The following USP35 variants were observed in gnomAD, a reference collection of about 807,000 sequenced individuals.
USP35 encodes ubiquitin carboxyl-terminal hydrolase 35.
Under a neutral mutation model 83.8 loss-of-function variants are expected in USP35, and 69 were observed. The ratio of observed to expected loss-of-function variants is 0.82; its 90% CI spans 0.68 to 1.01. USP35 has a LOEUF of 1.01. Among genes scored for constraint, USP35 ranks in the 50% least tolerant of loss-of-function variants. USP35 has a pLI of 0.00. For missense variants in USP35, 1,503 were observed against 1,362.5 expected (o/e 1.10, Z -1.62); for synonymous variants, 714 against 589.5 (o/e 1.21, Z -3.06).
At chr11:78,225,345 G>C in the USP35 span, 3 of 604,682 alleles carry the variant, frequency 5.0e-6, no homozygotes, top group South Asian at 5.8e-5. Context: ...GAATTTCTTC[G>C]AACACATCAC....
chr11:78,201,741 A>G (rs185395599), intron 6 of USP35, among the ~76,000 whole-genome samples: 27 of 152,300 alleles, frequency 1.8e-4, no homozygotes, highest in African/African-American at 6.3e-4. Context: ...GTTCATTTCA[A>G]TCTCATAGAT....
Position 78,196,866 on chromosome 11 carries a change from C to A in USP35, c.621C>A (p.Pro207=). The A allele has an allele frequency of 2.7e-6, 4 of 1,485,306 alleles. No individual in the cohort carries two copies. In the South Asian group the frequency reaches 5.1e-5, roughly 19 times the overall value. 92.0% of individuals were successfully genotyped at this position (1,485,306 alleles called of 1,614,324 possible). The part of the protein sequence containing the change: ...GLLAQLWRAQ[P]AAILPCLKEL... ...TGGCGCAGCTGTGGCGCGCACAGCCCGCCGCCATCCTGCCCTGCCTCAAAG... is the reference window on the plus strand; with the variant it reads ...TGGCGCAGCTGTGGCGCGCACAGCCAGCCGCCATCCTGCCCTGCCTCAAAG... The change falls in exon 2 of 11, where the codon CCC becomes CCA. Residue 207 remains proline, a synonymous_variant. Transcript: ENST00000529308. This position sits in a 1 kb window ranked among gnomAD's most constrained non-coding sequence, Gnocchi z 4.8.
intron 10 of USP35, among the ~76,000 whole-genome samples, chr11:78,213,184 G>A (rs1863866591): frequency 6.6e-6 from 1 of 152,190 alleles, no homozygotes; most frequent in Non-Finnish European, 1.5e-5. Flanking sequence ...CTGAGGCTGA[G>A]TCAGGCTCTC....
At chr11:78,231,858 T>C in the USP35 span, 1 of 152,268 alleles carries the variant, frequency 6.6e-6, no homozygotes, top group African/African-American at 2.4e-5. Context: ...TAATATAAAA[T>C]GCTTGTAAGT....
At chr11:78,219,566 T>C (rs762175427), downstream of USP35, 46 of 694,654 alleles carry the variant, frequency 6.6e-5, no homozygotes, top group Non-Finnish European at 7.7e-5. Flanking sequence ...GCCTGGCTTC[T>C]CTTTCTGAAT....
chr11:78,235,128 G>A, the USP35 span, among the ~76,000 whole-genome samples: 3 of 151,956 alleles, frequency 2.0e-5, no homozygotes, highest in Non-Finnish European at 4.4e-5. Context: ...TTCTACAGCC[G>A]GTTTGATTTT....
the USP35 span, chr11:78,221,646 G>A: frequency 9.9e-6 from 14 of 1,408,320 alleles, no homozygotes; most frequent in Admixed American, 8.7e-5. Flanking sequence ...GACTTGAAAG[G>A]CGTCATTCCA....
chr11:78,192,166 A>G (rs931011515), intron 1 of USP35, among the ~76,000 whole-genome samples: 2 of 152,228 alleles, frequency 1.3e-5, no homozygotes, highest in African/African-American at 4.8e-5. Context: ...ACCCAAGGTC[A>G]CCATGACTTT....
At position 78,199,524 on chromosome 11, in the gene USP35, C is replaced by A. The variant is rs1863269460; in HGVS notation, c.807-71C>A. 3.1e-6 allele frequency: 5 copies of A among 1,602,450 alleles called. No individual in the cohort carries two copies. The East Asian group carries it at 1.1e-4, about 36-fold the overall frequency. On this transcript the variant is annotated intron_variant, in intron 3 of 10. Coordinates refer to ENST00000529308, the MANE Select transcript of USP35 (RefSeq NM_020798.4). ...TGGGAACCCAGGACATTACGGATAG[C>A]CCCTGGGCTGCCCTCACCCCAGCAT... is the stretch of plus-strand genomic sequence containing the variant.
Position 78,207,641 on chromosome 11 carries a change from C to T in USP35, c.1485+18C>T, listed in dbSNP as rs1555087469. 8 of 1,612,190 alleles carry T rather than the reference C, an allele frequency of 5.0e-6. No homozygotes were observed. The highest frequency in any genetic ancestry group is 6.8e-6 in the Non-Finnish European group (8 of 1,179,132). On this transcript the variant is annotated intron_variant, in intron 8 of 10. Coordinates refer to ENST00000529308, the MANE Select transcript of USP35 (RefSeq NM_020798.4). The stretch of plus-strand genomic sequence containing the variant: ...ACAGCCAGGTGAGTGTAGGGGCAGT[C>T]AGAGGGGGGTGGAGAGGCAGCTCTG...
the USP35 span, chr11:78,226,696 T>G: frequency 6.2e-7 from 1 of 1,613,958 alleles, no homozygotes; most frequent in Non-Finnish European, 8.5e-7. Flanking sequence ...GTCCTAGGGA[T>G]CTGGTAGGCT....
chr11:78,204,373 A>G (rs1046313504), intron 6 of USP35, among the ~76,000 whole-genome samples: 1 of 152,174 alleles, frequency 6.6e-6, no homozygotes, highest in Non-Finnish European at 1.5e-5. Context: ...TAAGTTCTGG[A>G]AAGTTCTCTG....
In USP35 at chr11:78,214,809, G is replaced by T. The variant is rs2512522; in HGVS notation, c.*996G>T. 4.6e-5 allele frequency: 7 copies of T among 151,926 alleles called. No homozygotes were observed. In the East Asian group the frequency reaches 1.3e-3, roughly 29 times the overall value. The allele number at this position is 151,926 out of a possible 1,614,324, so 9.4% of individuals were successfully genotyped here. The stretch of plus-strand genomic sequence containing the variant: ...CTCAGCCTGCCCCCCAGTGACGTGT[G>T]AGATGCCACAGGGAGCCAAGAGCCC... On this transcript the variant is annotated 3_prime_UTR_variant, in exon 11 of 11. Coordinates refer to ENST00000529308, the MANE Select transcript of USP35 (RefSeq NM_020798.4).
intron 5 of USP35, 107 bp downstream of exon 5, chr11:78,200,341 T>C: frequency 6.7e-6 from 9 of 1,340,392 alleles, no homozygotes; most frequent in Non-Finnish European, 9.4e-6. Context: ...CCCTGGGCTC[T>C]TGGGGCAGGT....
chr11:78,226,867 G>A, the USP35 span: 3 of 1,614,150 alleles, frequency 1.9e-6, no homozygotes, highest in South Asian at 1.1e-5. Flanking sequence ...AGGCTGCGGG[G>A]GAGGTCGTAG....
chr11:78,214,037 G>C lies in USP35; in HGVS notation c.*224G>C. ...TAAAACTTTACACCCAAGTGTCCTG[G>C]TTAACTTGAAGCAGCCGAGATGGGC... On this transcript the variant is annotated 3_prime_UTR_variant, in exon 11 of 11. Transcript: ENST00000529308. 2.1e-6 allele frequency: 1 copy of C among 469,472 alleles called. No individual in the cohort carries two copies. The highest frequency in any genetic ancestry group is 3.5e-6 in the Non-Finnish European group (1 of 283,612). 29.1% of individuals were successfully genotyped at this position (469,472 alleles called of 1,614,324 possible). A position where few individuals can be genotyped will look rare whatever the true frequency, so the allele number is the denominator to read the frequency against.
intron 1 of USP35, among the ~76,000 whole-genome samples, chr11:78,189,784 T>C (rs1461942423): frequency 6.6e-6 from 1 of 152,210 alleles, no homozygotes; most frequent in Non-Finnish European, 1.5e-5. Flanking sequence ...CCTTATCCTT[T>C]GAGGAAGAGC....
the USP35 span, among the ~76,000 whole-genome samples, chr11:78,233,316 T>A: frequency 1.6e-4 from 25 of 152,350 alleles, no homozygotes; most frequent in South Asian, 5.2e-3. Flanking sequence ...ATTATAGGCA[T>A]GAGCCACTGC....
intron 6 of USP35, 114 bp from the exon 7 acceptor site, chr11:78,205,728 G>A: frequency 2.6e-6 from 3 of 1,156,636 alleles, no homozygotes; most frequent in Non-Finnish European, 2.4e-6. Flanking sequence ...GGGGGGGTGT[G>A]CCTGGGAGGC....
Sources: gnomAD v4.1 joint callset for allele counts (sites outside exome capture counted in the v4.1 genomes callset) on GRCh38, gnomAD v4.1.1 for gene constraint, Gnocchi (gnomAD v3.1) non-coding constraint, MANE v1.5 for transcripts, NCBI Gene and HGNC (gene_info 2026-07-23, HGNC 2026-07-21) for gene names.